Variants in SLC25A26 observed in about 807,000 individuals in gnomAD.
SLC25A26 encodes mitochondrial S-adenosylmethionine carrier protein.
SLC25A26 carries 36 observed loss-of-function variants against 37.8 expected under a neutral mutation model. The ratio of observed to expected loss-of-function variants is 0.95; its 90% confidence interval spans 0.73 to 1.26. The LOEUF is 1.26. SLC25A26 is among the 50% of genes most tolerant of loss of function. SLC25A26 has a pLI of 0.00. For synonymous variants in SLC25A26, 129 were observed against 122.5 expected, an observed-to-expected ratio of 1.05 and a Z score of -0.35; for missense variants, 390 against 331.1, an observed-to-expected ratio of 1.18 and a Z score of -1.38.
intron 6 of SLC25A26, among the ~76,000 whole-genome samples, chr3:66,348,097 T>G (rs1043233919): frequency 2.0e-5 from 3 of 152,092 alleles, no homozygotes; most frequent in Non-Finnish European, 4.4e-5. Context: ...TGTAACAAAC[T>G]TGCACATCCT....
chr3:66,252,148 C>G (rs1464248530), intron 3 of SLC25A26, among the ~76,000 whole-genome samples: 1 of 152,220 alleles, frequency 6.6e-6, no homozygotes, highest in Non-Finnish European at 1.5e-5. Flanking sequence ...GGATTGGCCA[C>G]TTCCAAGCGA....
chr3:66,362,616 C>G (rs1575610643), intron 6 of SLC25A26, among the ~76,000 whole-genome samples: 1 of 152,110 alleles, frequency 6.6e-6, no homozygotes, highest in African/African-American at 2.4e-5. Flanking sequence ...TGTGTGCGTG[C>G]ACACACACAT....
chr3:66,269,022 G>A (rs149881506), intron 5 of SLC25A26, among the ~76,000 whole-genome samples: 178 of 152,274 alleles, frequency 1.2e-3, no homozygotes, highest in Non-Finnish European at 2.0e-3. Context: ...GTGTGAGAAT[G>A]GACTGATAAA....
At chr3:66,200,118 C>G (rs1270803922) in intron 1 of SLC25A26, among the ~76,000 whole-genome samples, 1 of 152,108 alleles carries the variant, frequency 6.6e-6, no homozygotes, top group Non-Finnish European at 1.5e-5. Flanking sequence ...AAAATATAAA[C>G]AAATATATAG....
chr3:66,232,272 CAG>C (rs1424586825), intron 1 of SLC25A26, among the ~76,000 whole-genome samples: 2 of 151,958 alleles, frequency 1.3e-5, no homozygotes, highest in African/African-American at 4.8e-5. Flanking sequence ...TTGATAATGA[CAG>C]AGAATCATAT....
chr3:66,170,812 T>G (rs1215521410), intron 1 of SLC25A26, among the ~76,000 whole-genome samples: 15 of 134,756 alleles, frequency 1.1e-4, no homozygotes, highest in African/African-American at 4.0e-4. Context: ...TTTTTTTTTT[T>G]TTTTTTTTTG....
rs57194947 is a variant in SLC25A26, at chr3:66,150,524, GATAT to G, written c.-354+16558_-354+16561del. On this transcript the variant is annotated intron_variant, in intron 1 of 10. Transcript: ENST00000676754. Reference sequence around the variant, plus strand: ...AGACAAAAAAATATATATATATAATGATATATATATATATATATATAAAATATAT... The same window carrying G: ...AGACAAAAAAATATATATATATAATGATATATATATATATATAAAATATAT... Among the ~76,000 whole-genome samples the G allele has an allele frequency of 7.7e-3, 799 of 103,618 alleles. 32 individuals are homozygous for G. The highest frequency in any genetic ancestry group is 0.025 in the African/African-American group (672 of 26,472). 68.0% of individuals were successfully genotyped at this position (103,618 alleles called of 152,430 possible).
intron 5 of SLC25A26, among the ~76,000 whole-genome samples, chr3:66,275,671 T>C (rs1269322894): frequency 6.6e-6 from 1 of 152,108 alleles, no homozygotes; most frequent in East Asian, 1.9e-4. Flanking sequence ...GGCAAGCTAA[T>C]GGTTTTCTGC....
intron 1 of SLC25A26, among the ~76,000 whole-genome samples, chr3:66,191,638 C>T (rs1041029741): frequency 6.6e-6 from 1 of 151,994 alleles, no homozygotes; most frequent in Non-Finnish European, 1.5e-5. Context: ...GCCTGTAATC[C>T]CAGCACTTTG....
intron 5 of SLC25A26, among the ~76,000 whole-genome samples, chr3:66,307,235 T>A (rs1478286707): frequency 6.6e-6 from 1 of 152,240 alleles, no homozygotes; most frequent in African/African-American, 2.4e-5. Context: ...TGGTTTTGAT[T>A]TGCGTTTCTC....
intron 1 of SLC25A26, among the ~76,000 whole-genome samples, chr3:66,203,237 C>T (rs2071132320): frequency 6.6e-6 from 1 of 151,856 alleles, no homozygotes; most frequent in African/African-American, 2.4e-5. Flanking sequence ...AAAAATTAGC[C>T]AGGCATGGTG....
chr3:66,266,426 C>T (rs1020220240), intron 5 of SLC25A26, among the ~76,000 whole-genome samples: 1 of 152,072 alleles, frequency 6.6e-6, no homozygotes, highest in African/African-American at 2.4e-5. Context: ...TGAGAATCAC[C>T]TGGAAACGTA....
chr3:66,219,760 C>A (rs1339515163), upstream of SLC25A26, among the ~76,000 whole-genome samples: 1 of 152,136 alleles, frequency 6.6e-6, no homozygotes, highest in African/African-American at 2.4e-5. Context: ...ATAACATTAC[C>A]ATCACCTTTA....
intron 1 of SLC25A26, among the ~76,000 whole-genome samples, chr3:66,144,700 TAG>T (rs2070088616): frequency 6.6e-6 from 1 of 152,072 alleles, no homozygotes; most frequent in South Asian, 2.1e-4. Context: ...GCTGAGAAAA[TAG>T]AGTGATCATT....
chr3:66,205,693 C>T (rs960316159), intron 1 of SLC25A26, among the ~76,000 whole-genome samples: 10 of 152,196 alleles, frequency 6.6e-5, no homozygotes, highest in Non-Finnish European at 1.2e-4. Context: ...TGCCTCTCCT[C>T]TTCCTGATAA....
intron 1 of SLC25A26, among the ~76,000 whole-genome samples, chr3:66,229,765 T>G (rs2071924625): frequency 6.6e-6 from 1 of 152,236 alleles, no homozygotes; most frequent in African/African-American, 2.4e-5. Flanking sequence ...AGCTGTGTTC[T>G]TAGGCAATAC....
intron 6 of SLC25A26, among the ~76,000 whole-genome samples, chr3:66,361,735 G>A (rs552318557): frequency 2.6e-5 from 4 of 152,270 alleles, no homozygotes; most frequent in Middle Eastern, 3.4e-3. Context: ...AGGCTGAGGC[G>A]GGTGGATCGC....
At chr3:66,335,400 GATTT>G (rs1241317394) in intron 5 of SLC25A26, among the ~76,000 whole-genome samples, 10 of 152,188 alleles carry the variant, frequency 6.6e-5, no homozygotes, top group African/African-American at 2.4e-4. Flanking sequence ...TAAAGAATGG[GATTT>G]ATTTTTGTGT....
intron 5 of SLC25A26, among the ~76,000 whole-genome samples, chr3:66,301,495 G>A (rs1464043105): frequency 6.6e-6 from 1 of 152,164 alleles, no homozygotes; most frequent in Non-Finnish European, 1.5e-5. Context: ...GCATCTGTTT[G>A]TTAGTATTTT....
Sources: gnomAD v4.1 joint callset for allele counts (sites outside exome capture counted in the v4.1 genomes callset) on GRCh38, gnomAD v4.1.1 for gene constraint, MANE v1.5 for transcripts, NCBI Gene and HGNC (gene_info 2026-07-23, HGNC 2026-07-21) for gene names.